Variants in PCYT1A observed in about 807,000 individuals in gnomAD.
PCYT1A encodes choline-phosphate cytidylyltransferase A.
Under a neutral mutation model 43.7 loss-of-function variants are expected in PCYT1A, and 25 were observed. That is an observed-to-expected ratio of 0.57 (90% CI 0.42 to 0.80). PCYT1A has a LOEUF of 0.80. PCYT1A is among the 30% of genes least tolerant of loss of function. The pLI, the probability that PCYT1A is intolerant of heterozygous loss-of-function variation, is 0.00. For missense variants in PCYT1A, 421 were observed against 474.2 expected (o/e 0.89, Z 1.04); for synonymous variants, 172 against 170.7 (o/e 1.01, Z -0.06).
Position 196,238,583 on chromosome 3 carries a change from G to T in PCYT1A, c.*105C>A. ...TTCTTTCCCCAGTTGTCTTTCCTTTGTAGCTGTCCTTAGGTTTAGTGTTGG... is the reference window on the plus strand; with the variant it reads ...TTCTTTCCCCAGTTGTCTTTCCTTTTTAGCTGTCCTTAGGTTTAGTGTTGG... On this transcript the variant is annotated 3_prime_UTR_variant, in exon 9 of 9. Transcript: ENST00000431016. 1 of 765,494 alleles carries T rather than the reference G, an allele frequency of 1.3e-6. No individual in the cohort carries two copies. Among genetic ancestry groups the T allele is most frequent in the Non-Finnish European group, 2.0e-6 (1 of 495,636 alleles). The allele number at this position is 765,494 out of a possible 1,614,324, so 47.4% of individuals were successfully genotyped here.
At chr3:196,241,750 T>C in intron 7 of PCYT1A, 198 bp downstream of exon 7, 1 of 1,251,290 alleles carries the variant, frequency 8.0e-7, no homozygotes, top group Non-Finnish European at 1.1e-6. Context: ...TTTATACGAA[T>C]GTGTTGGTAC....
intron 2 of PCYT1A, among the ~76,000 whole-genome samples, chr3:196,264,815 T>C (rs188119865): frequency 4.6e-5 from 7 of 152,348 alleles, no homozygotes; most frequent in African/African-American, 7.2e-5. Flanking sequence ...TATTTGCTGC[T>C]GTTTCTTTCT....
intron 2 of PCYT1A, among the ~76,000 whole-genome samples, chr3:196,266,945 C>T (rs999406041): frequency 3.3e-5 from 5 of 151,660 alleles, no homozygotes; most frequent in Non-Finnish European, 5.9e-5. Context: ...CCGAGGCGGG[C>T]GGATTACCTG....
rs1045072313 is a variant in PCYT1A, at chr3:196,273,787, A to G, written c.-10-3246T>C. Among the ~76,000 whole-genome samples, 12 of 152,158 alleles carry G rather than the reference A, an allele frequency of 7.9e-5. No individual in the cohort carries two copies. The highest frequency in any genetic ancestry group is 2.9e-4 in the African/African-American group (12 of 41,452). ...ACAGGCAGCCCGGAAAAAGCATCGT[A>G]AGTTCTCATTCCAGTCCACAGAACT... On this transcript the variant is annotated intron_variant, in intron 1 of 8. Transcript: ENST00000431016. This position sits in a 1 kb window ranked among gnomAD's most constrained non-coding sequence, Gnocchi z 4.1.
chr3:196,271,336 A>T (rs1363891786), intron 1 of PCYT1A, among the ~76,000 whole-genome samples: 1 of 152,224 alleles, frequency 6.6e-6, no homozygotes, highest in East Asian at 1.9e-4. Context: ...TAACTCTAAA[A>T]GTTCTATAGA....
chr3:196,249,838 C>CCAGATACACTATGCTGAGGCTGAGGAT (rs1724691716), intron 3 of PCYT1A, among the ~76,000 whole-genome samples: 4 of 140,692 alleles, frequency 2.8e-5, no homozygotes, highest in Admixed American at 2.8e-4. Flanking sequence ...AGGCTGAGGA[C>CCAGATACACTATGCTGAGGCTGAGGAT]CAGATACACT....
In PCYT1A at chr3:196,277,214, G is replaced by T. The variant is rs374949014; in HGVS notation, c.-10-6673C>A. On this transcript the variant is annotated intron_variant, in intron 1 of 8. Transcript: ENST00000431016. The surrounding 1 kb of genome is among the most constrained non-coding windows in gnomAD (Gnocchi z 4.1). ...CATTGCACTCCAGCCTGGGTGACAAGAGTGAGACTCCATTTCAAAAAAATA... is the reference window on the plus strand; with the variant it reads ...CATTGCACTCCAGCCTGGGTGACAATAGTGAGACTCCATTTCAAAAAAATA... Among the ~76,000 whole-genome samples the T allele has an allele frequency of 2.2e-4, 33 of 152,222 alleles. 2 individuals are homozygous for T. The East Asian group carries it at 5.0e-3, about 23-fold the overall frequency.
chr3:196,255,149 T>C (rs1317466029), intron 3 of PCYT1A, among the ~76,000 whole-genome samples: 1 of 152,188 alleles, frequency 6.6e-6, no homozygotes, highest in Non-Finnish European at 1.5e-5. Flanking sequence ...GTTACCTACT[T>C]GGTGATTTAA....
chr3:196,239,373 G>A (rs188673539), intron 8 of PCYT1A, among the ~76,000 whole-genome samples, 174 bp downstream of exon 8: 58 of 152,332 alleles, frequency 3.8e-4, no homozygotes, highest in African/African-American at 1.2e-3. Context: ...AATGTGTAAC[G>A]TCTTTCTGTA....
At chr3:196,280,154 T>A (rs1395148997) in intron 1 of PCYT1A, among the ~76,000 whole-genome samples, 4 of 152,130 alleles carry the variant, frequency 2.6e-5, no homozygotes, top group Non-Finnish European at 5.9e-5. Context: ...CTATTCAACT[T>A]CCTTATTGCA....
intron 1 of PCYT1A, among the ~76,000 whole-genome samples, chr3:196,286,447 A>G (rs61588443): frequency 0.24 from 35,987 of 152,116 alleles, 5,840 homozygotes; most frequent in East Asian, 0.76. Flanking sequence ...ATCCGGTCCA[A>G]TGTTTTTCAA....
Position 196,242,093 on chromosome 3 carries a change from A to G in PCYT1A, c.566-3T>C. 2 of 1,613,860 alleles carry G rather than the reference A, an allele frequency of 1.2e-6. No homozygotes were observed. Among genetic ancestry groups the G allele is most frequent in the Non-Finnish European group, 8.5e-7 (1 of 1,179,962 alleles). Reference sequence around the variant, plus strand: ...CCTCTGTGTTGGAGCAAACATGCCTAACTCAGAAACACATACAGACAAACA... The same window carrying G: ...CCTCTGTGTTGGAGCAAACATGCCTGACTCAGAAACACATACAGACAAACA... On this transcript the variant is annotated splice_region_variant and splice_polypyrimidine_tract_variant and intron_variant, in intron 6 of 8. Transcript: ENST00000431016. The surrounding 1 kb of genome is among the most constrained non-coding windows in gnomAD (Gnocchi z 4.2).
chr3:196,280,077 C>T (rs372573228), intron 1 of PCYT1A, among the ~76,000 whole-genome samples: 4 of 152,140 alleles, frequency 2.6e-5, no homozygotes, highest in Non-Finnish European at 5.9e-5. Flanking sequence ...GTGATCTGCC[C>T]GCCTCAGTCT....
intron 2 of PCYT1A, among the ~76,000 whole-genome samples, chr3:196,265,632 A>G (rs1241129225): frequency 6.6e-6 from 1 of 152,008 alleles, no homozygotes; most frequent in Admixed American, 6.5e-5. Context: ...TTCTAAAGCT[A>G]ATGAGCTCCA....
At chr3:196,251,062 A>C (rs988206469) in intron 3 of PCYT1A, among the ~76,000 whole-genome samples, 21 of 149,328 alleles carry the variant, frequency 1.4e-4, no homozygotes, top group African/African-American at 5.0e-4. Context: ...TGAGGACCAG[A>C]TACACCATGC....
rs765952022 is a variant in PCYT1A, at chr3:196,247,732, T to C, written c.335-214A>G. 7.5e-5 allele frequency: 51 copies of C among 682,020 alleles called. No homozygotes were observed. Among genetic ancestry groups the C allele is most frequent in the Non-Finnish European group, 1.3e-4 (48 of 372,156 alleles). The allele number at this position is 682,020 out of a possible 1,614,324, so 42.2% of individuals were successfully genotyped here. A position where few individuals can be genotyped will look rare whatever the true frequency, so the allele number is the denominator to read the frequency against. On this transcript the variant is annotated intron_variant, in intron 4 of 8. Coordinates refer to ENST00000431016, the MANE Select transcript of PCYT1A (RefSeq NM_001312673.2). The surrounding 1 kb of genome is among the most constrained non-coding windows in gnomAD (Gnocchi z 4.8). ...CAACACTCACTAAACAGTATGTTCA[T>C]ACTTTGGAGAAGGGACAGTACAACA...
chr3:196,254,046 A>G (rs1351973793), intron 3 of PCYT1A, among the ~76,000 whole-genome samples: 2 of 147,642 alleles, frequency 1.4e-5, no homozygotes, highest in Non-Finnish European at 3.0e-5. Context: ...TTTTTTTTTG[A>G]GACGGAGTCT....
chr3:196,265,824 C>G (rs748945595), intron 2 of PCYT1A, among the ~76,000 whole-genome samples: 2 of 151,842 alleles, frequency 1.3e-5, no homozygotes, highest in African/African-American at 4.8e-5. Context: ...TTGCAAACTC[C>G]GCCTCCTGGG....
chr3:196,269,210 A>G (rs895194638), intron 2 of PCYT1A, among the ~76,000 whole-genome samples: 3 of 152,262 alleles, frequency 2.0e-5, no homozygotes, highest in African/African-American at 4.8e-5. Context: ...ACAAATATAT[A>G]TACTTGCCCT....
Sources: allele counts gnomAD v4.1 joint callset (sites outside exome capture counted in the v4.1 genomes callset), GRCh38; gene constraint gnomAD v4.1.1; non-coding constraint Gnocchi (gnomAD v3.1); transcripts MANE v1.5; gene names NCBI Gene and HGNC (gene_info 2026-07-23, HGNC 2026-07-21).